Variants in RBFOX1 observed in about 807,000 individuals in gnomAD.
RBFOX1 encodes the protein RNA binding fox-1 homolog 1.
In RBFOX1, 8 loss-of-function variants were observed where a neutral mutation model predicts 57.7. The observed-to-expected ratio is 0.14, with a 90% CI of 0.08 to 0.25. The LOEUF is 0.25. RBFOX1 is among the 10% of genes least tolerant of loss of function. The pLI, the probability that RBFOX1 is intolerant of heterozygous loss-of-function variation, is 1.00. For missense variants in RBFOX1, 611 were observed against 548.5 expected (o/e 1.11, Z -1.14); for synonymous variants, 326 against 222.4 (o/e 1.47, Z -4.15).
At chr16:6,630,507 T>C (rs1186320941) in intron 2 of RBFOX1, among the ~76,000 whole-genome samples, 1 of 152,192 alleles carries the variant, frequency 6.6e-6, no homozygotes. Flanking sequence ...TGGTCTTATT[T>C]CGTACTTAAA....
At chr16:6,715,139 C>T (rs1310465369) in intron 3 of RBFOX1, among the ~76,000 whole-genome samples, 1 of 152,110 alleles carries the variant, frequency 6.6e-6, no homozygotes, top group East Asian at 1.9e-4. Flanking sequence ...GACTAAGCCA[C>T]AGTGTTTCCA....
intron 2 of RBFOX1, among the ~76,000 whole-genome samples, chr16:5,514,925 G>A (rs574291874): frequency 1.3e-5 from 2 of 152,218 alleles, no homozygotes; most frequent in African/African-American, 2.4e-5. Flanking sequence ...AGGTTGGAAA[G>A]AAGCATGGCG....
intron 4 of RBFOX1, among the ~76,000 whole-genome samples, chr16:7,371,854 C>T (rs953839845): frequency 4.6e-5 from 7 of 152,146 alleles, no homozygotes; most frequent in African/African-American, 1.7e-4. Context: ...TCTAAATGCC[C>T]TGTGTGACTT....
rs147521366 is a variant in RBFOX1 at position 7,456,513 on chromosome 16, C to T, written c.28-61634C>T. Among the ~76,000 whole-genome samples, 9 of 152,304 alleles carry T rather than the reference C, an allele frequency of 5.9e-5. No homozygotes were observed. The East Asian group carries it at 1.5e-3, about 26-fold the overall frequency. ...GCATTGTTTGCCAAGGTTGCAAGTCCCTCTATGCTTTATCCTGTTTGGCGT... is the reference window on the plus strand; with the variant it reads ...GCATTGTTTGCCAAGGTTGCAAGTCTCTCTATGCTTTATCCTGTTTGGCGT... On this transcript the variant is annotated intron_variant, in intron 4 of 15. Coordinates refer to ENST00000550418, the MANE Select transcript of RBFOX1 (RefSeq NM_018723.4).
chr16:5,413,601 C>G (rs184113427), intron 1 of RBFOX1, among the ~76,000 whole-genome samples: 2 of 152,194 alleles, frequency 1.3e-5, no homozygotes, highest in Non-Finnish European at 2.9e-5. Flanking sequence ...TTCTGTTGGA[C>G]AGTGCCTGTC....
chr16:7,163,368 G>T (rs1374788566), intron 4 of RBFOX1, among the ~76,000 whole-genome samples: 2 of 152,146 alleles, frequency 1.3e-5, no homozygotes, highest in Non-Finnish European at 2.9e-5. Flanking sequence ...AGGAGATTTT[G>T]CTTTGGAAAA....
At chr16:5,819,215 C>A (rs551848933) in intron 3 of RBFOX1, among the ~76,000 whole-genome samples, 1 of 152,168 alleles carries the variant, frequency 6.6e-6, no homozygotes, top group African/African-American at 2.4e-5. Flanking sequence ...GGGCCCACTT[C>A]CTAGATGGCC....
intron 1 of RBFOX1, among the ~76,000 whole-genome samples, chr16:6,065,650 T>C (rs2095752007): frequency 6.6e-6 from 1 of 152,232 alleles, no homozygotes; most frequent in Non-Finnish European, 1.5e-5. Context: ...TCATTTCTCC[T>C]CGTCTTTGAG....
rs535982708 is a variant in RBFOX1, at chr16:6,149,117, G to A, written c.-127+129125G>A. 6.6e-5 allele frequency among the ~76,000 whole-genome samples: 10 copies of A among 152,326 alleles called. No homozygotes were observed. The South Asian group carries it at 2.1e-3, about 32-fold the overall frequency. On this transcript the variant is annotated intron_variant, in intron 1 of 15. Coordinates refer to ENST00000550418, the MANE Select transcript of RBFOX1 (RefSeq NM_018723.4). ...AAACAAATACTTAGCAGTTCTAAAG[G>A]GCATGAAGTCATTAAGGTTTCTCAT...
intron 4 of RBFOX1, among the ~76,000 whole-genome samples, chr16:7,303,355 C>T (rs1416812336): frequency 6.6e-6 from 1 of 152,164 alleles, no homozygotes; most frequent in Non-Finnish European, 1.5e-5. Context: ...CACTCCACCT[C>T]CTGAGGAGGG....
intron 3 of RBFOX1, among the ~76,000 whole-genome samples, chr16:5,664,240 G>T (rs975507484): frequency 1.3e-5 from 2 of 152,186 alleles, no homozygotes; most frequent in African/African-American, 2.4e-5. Context: ...AACGGAGTCA[G>T]TTGTGAACTC....
intron 1 of RBFOX1, among the ~76,000 whole-genome samples, chr16:5,292,987 C>G (rs1296213188): frequency 6.6e-6 from 1 of 151,920 alleles, no homozygotes; most frequent in African/African-American, 2.4e-5. Context: ...GTGACTTGGG[C>G]AAAGGTTTGA....
chr16:7,152,128 G>T (rs79072700), intron 4 of RBFOX1, among the ~76,000 whole-genome samples: 4,387 of 152,266 alleles, frequency 0.029, 215 homozygotes, highest in African/African-American at 0.097. Context: ...TAAAACAAAA[G>T]AAGGTGTCAA....
At chr16:6,705,884 G>T (rs938324523) in intron 3 of RBFOX1, among the ~76,000 whole-genome samples, 1 of 152,100 alleles carries the variant, frequency 6.6e-6, no homozygotes, top group Non-Finnish European at 1.5e-5. Context: ...TGGGCATGGT[G>T]GTGCATGTCT....
At chr16:7,439,618 C>T (rs976580440) in intron 4 of RBFOX1, among the ~76,000 whole-genome samples, 3 of 152,292 alleles carry the variant, frequency 2.0e-5, no homozygotes, top group Non-Finnish European at 4.4e-5. Context: ...TGAGTCCCAA[C>T]GCTGCTCAGT....
chr16:6,400,041 A>G (rs2093005403), intron 2 of RBFOX1, among the ~76,000 whole-genome samples: 1 of 152,208 alleles, frequency 6.6e-6, no homozygotes, highest in South Asian at 2.1e-4. Flanking sequence ...GCAATTCAAG[A>G]TGAAATTTGG....
intron 4 of RBFOX1, among the ~76,000 whole-genome samples, chr16:7,363,719 C>T (rs113715156): frequency 0.017 from 2,518 of 152,184 alleles, 28 homozygotes; most frequent in Middle Eastern, 0.031. Context: ...TTTTTGCTTA[C>T]GGCTAAGTAC....
chr16:6,986,192 A>T (rs1422327557), intron 3 of RBFOX1, among the ~76,000 whole-genome samples: 2 of 146,928 alleles, frequency 1.4e-5, no homozygotes, highest in Admixed American at 1.4e-4. Context: ...ATTTTTATTT[A>T]TTTATTTATT....
intron 2 of RBFOX1, among the ~76,000 whole-genome samples, chr16:6,419,945 G>GC (rs1252284389): frequency 6.6e-6 from 1 of 152,044 alleles, no homozygotes; most frequent in East Asian, 1.9e-4. Context: ...CATGCTGCAG[G>GC]CCCCCCCATC....
Sources: gnomAD v4.1 joint callset for allele counts (sites outside exome capture counted in the v4.1 genomes callset) on GRCh38, gnomAD v4.1.1 for gene constraint, MANE v1.5 for transcripts, NCBI Gene and HGNC (gene_info 2026-07-23, HGNC 2026-07-21) for gene names.